TNPO1: variants seen among roughly 807,000 people sequenced by gnomAD.
TNPO1 encodes transportin 1.
Under a neutral mutation model 119.5 loss-of-function variants are expected in TNPO1, and 8 were observed. The observed-to-expected ratio is 0.07, with a 90% CI of 0.04 to 0.12. TNPO1 has a LOEUF of 0.12. Among genes scored for constraint, TNPO1 ranks in the 10% least tolerant of loss-of-function variants. TNPO1 has a pLI of 1.00. For missense variants in TNPO1, 576 were observed against 1,089.8 expected, an observed-to-expected ratio of 0.53 and a Z score of 6.64; for synonymous variants, 362 against 363.0, an observed-to-expected ratio of 1.00 and a Z score of 0.03.
chr5:72,848,508 C>G lies in TNPO1; in HGVS notation c.129+10C>G, dbSNP rs748205758. ...GAGAACCGTGCAACAAGTATCCTTTCCGAGGCCTGGCCGCCACCCGCGCAG... is the reference window on the plus strand; with the variant it reads ...GAGAACCGTGCAACAAGTATCCTTTGCGAGGCCTGGCCGCCACCCGCGCAG... On this transcript the variant is annotated intron_variant, in intron 2 of 24. Transcript: ENST00000337273. 2.6e-6 allele frequency: 4 copies of G among 1,528,314 alleles called. No homozygotes were observed. Among genetic ancestry groups the G allele is most frequent in the Non-Finnish European group, 3.5e-6 (4 of 1,133,524 alleles). The allele number at this position is 1,528,314 out of a possible 1,614,324, so 94.7% of individuals were successfully genotyped here.
intron 9 of TNPO1, among the ~76,000 whole-genome samples, chr5:72,878,082 G>A (rs1234288698): frequency 6.6e-6 from 1 of 152,048 alleles, no homozygotes; most frequent in Non-Finnish European, 1.5e-5. Flanking sequence ...TTCAGTGGAG[G>A]TATGCTATTC....
In TNPO1 at chr5:72,882,148, T is replaced by TA. The variant is rs540190779; in HGVS notation, c.921-318dup. On this transcript the variant is annotated intron_variant, in intron 9 of 24. Transcript: ENST00000337273. ...ATATAGCTCTATGTATTGTAAGTCT[T>TA]ACCTAGTTAAATTATGCTAGCTCTA... Among the ~76,000 whole-genome samples the TA allele has an allele frequency of 2.2e-4, 33 of 152,328 alleles. 1 individual carries two copies. In the South Asian group the frequency reaches 6.6e-3, roughly 31 times the overall value.
chr5:72,821,821 G>A (rs1192575965), intron 1 of TNPO1, among the ~76,000 whole-genome samples: 2 of 152,198 alleles, frequency 1.3e-5, no homozygotes, highest in African/African-American at 2.4e-5. Context: ...TTCAGTGAGT[G>A]TGTCAGTAAA....
At chr5:72,885,743 G>GT (rs34593186) in intron 11 of TNPO1, among the ~76,000 whole-genome samples, 1,435 of 136,120 alleles carry the variant, frequency 0.011, 23 homozygotes, top group African/African-American at 0.026. Flanking sequence ...GTTTGGTTTG[G>GT]TTTTTTTTTT....
At chr5:72,868,450 A>C (rs887305823) in intron 6 of TNPO1, among the ~76,000 whole-genome samples, 1 of 148,782 alleles carries the variant, frequency 6.7e-6, no homozygotes, top group African/African-American at 2.5e-5. Context: ...AAAAAAAAAA[A>C]AAAAAAAAAC....
intron 22 of TNPO1, among the ~76,000 whole-genome samples, chr5:72,903,323 T>A (rs1405368706): frequency 1.3e-5 from 2 of 152,230 alleles, no homozygotes; most frequent in Non-Finnish European, 2.9e-5. Context: ...TTTAATTTCT[T>A]TCTAGGCCAG....
At chr5:72,887,396 A>G (rs1271208159) in intron 12 of TNPO1, among the ~76,000 whole-genome samples, 174 bp downstream of exon 12, 5 of 152,200 alleles carry the variant, frequency 3.3e-5, no homozygotes, top group Admixed American at 2.0e-4. Context: ...TTGTTATAAT[A>G]AAGGTAACAG....
At chr5:72,893,730 T>C (rs759003735) in intron 18 of TNPO1, 27 bp downstream of exon 18, 1 of 1,590,858 alleles carries the variant, frequency 6.3e-7, no homozygotes, top group South Asian at 1.1e-5. Flanking sequence ...CTGCTATGAA[T>C]ATGGTTTTTT....
chr5:72,819,512 G>A (rs1201405795), intron 1 of TNPO1, among the ~76,000 whole-genome samples: 1 of 152,146 alleles, frequency 6.6e-6, no homozygotes, highest in African/African-American at 2.4e-5. Context: ...ATTGAAATGG[G>A]AAATAGGGAG....
At chr5:72,849,922 C>T (rs1432878750) in intron 2 of TNPO1, among the ~76,000 whole-genome samples, 1 of 152,116 alleles carries the variant, frequency 6.6e-6, no homozygotes, top group Non-Finnish European at 1.5e-5. Flanking sequence ...TCTGTGGCAC[C>T]ATATATCATA....
chr5:72,887,396 A>T (rs1271208159), intron 12 of TNPO1, among the ~76,000 whole-genome samples, 174 bp downstream of exon 12: 1 of 152,200 alleles, frequency 6.6e-6, no homozygotes, highest in Admixed American at 6.5e-5. Flanking sequence ...TTGTTATAAT[A>T]AAGGTAACAG....
chr5:72,881,442 A>G (rs1227891947), intron 9 of TNPO1, among the ~76,000 whole-genome samples: 2 of 152,174 alleles, frequency 1.3e-5, no homozygotes, highest in Admixed American at 6.5e-5. Context: ...CAAAACTTCT[A>G]TCTACCCTGC....
chr5:72,881,326 G>A (rs1160866975), intron 9 of TNPO1, among the ~76,000 whole-genome samples: 1 of 152,060 alleles, frequency 6.6e-6, no homozygotes, highest in Admixed American at 6.6e-5. Flanking sequence ...GGCCGGGCTG[G>A]TCTCGAACTC....
At chr5:72,816,807 G>T in intron 1 of TNPO1, 55 bp downstream of exon 1, 1 of 1,544,068 alleles carries the variant, frequency 6.5e-7, no homozygotes, top group Non-Finnish European at 8.7e-7. Context: ...ACGGAGGCTG[G>T]GAGCGCCGAG....
At chr5:72,888,032 A>T in intron 12 of TNPO1, 46 bp from the exon 13 acceptor site, 1 of 1,564,444 alleles carries the variant, frequency 6.4e-7, no homozygotes. Flanking sequence ...AACCAAAATA[A>T]TGTTAACTAA....
At chr5:72,866,904 A>G (rs1746947051) in intron 6 of TNPO1, among the ~76,000 whole-genome samples, 1 of 152,098 alleles carries the variant, frequency 6.6e-6, no homozygotes, top group African/African-American at 2.4e-5. Flanking sequence ...AGCAATTCAG[A>G]AATATTTCAC....
At chr5:72,899,810 A>T (rs1056550896) in intron 20 of TNPO1, among the ~76,000 whole-genome samples, 196 bp from the exon 21 acceptor site, 1 of 152,096 alleles carries the variant, frequency 6.6e-6, no homozygotes, top group South Asian at 2.1e-4. Flanking sequence ...TATGCCATAT[A>T]TGTTGCTGCC....
intron 1 of TNPO1, among the ~76,000 whole-genome samples, chr5:72,840,609 T>G (rs1162966914): frequency 6.6e-6 from 1 of 152,180 alleles, no homozygotes; most frequent in Non-Finnish European, 1.5e-5. Flanking sequence ...TTAAATGGGC[T>G]AAAGTATAGG....
At chr5:72,865,786 T>C in intron 6 of TNPO1, 57 bp downstream of exon 6, 1 of 1,500,938 alleles carries the variant, frequency 6.7e-7, no homozygotes, top group South Asian at 1.2e-5. Context: ...ACCATTATCT[T>C]AGTTTTCATT....
Sources: allele counts gnomAD v4.1 joint callset (sites outside exome capture counted in the v4.1 genomes callset), GRCh38; gene constraint gnomAD v4.1.1; transcripts MANE v1.5; gene names NCBI Gene and HGNC (gene_info 2026-07-23, HGNC 2026-07-21).